The following ADAMTS6 variants were observed in gnomAD, a reference collection of about 807,000 sequenced individuals.
ADAMTS6 encodes the protein ADAM metallopeptidase with thrombospondin type 1 motif 6.
Under a neutral mutation model 144.3 loss-of-function variants are expected in ADAMTS6, and 23 were observed. The observed-to-expected ratio is 0.16, with a 90% confidence interval of 0.11 to 0.23. The LOEUF is 0.23. Among genes scored for constraint, ADAMTS6 ranks in the 10% least tolerant of loss-of-function variants. The pLI is 1.00. For synonymous variants in ADAMTS6, 444 were observed against 457.5 expected, an observed-to-expected ratio of 0.97 and a Z score of 0.38; for missense variants, 999 against 1,379.6, an observed-to-expected ratio of 0.72 and a Z score of 4.37.
At chr5:65,295,768 G>T (rs1449685132) in intron 10 of ADAMTS6, among the ~76,000 whole-genome samples, 4 of 151,976 alleles carry the variant, frequency 2.6e-5, no homozygotes, top group African/African-American at 9.7e-5. Flanking sequence ...ATTAGTTTTA[G>T]AATATACTTC....
intron 7 of ADAMTS6, among the ~76,000 whole-genome samples, chr5:65,440,677 T>G (rs1203216473): frequency 6.6e-6 from 1 of 151,922 alleles, no homozygotes; most frequent in African/African-American, 2.4e-5. Context: ...CCCAAAAGGA[T>G]TAGAGGTAAT....
chr5:65,241,565 T>C (rs1759187114), intron 15 of ADAMTS6, among the ~76,000 whole-genome samples: 1 of 152,144 alleles, frequency 6.6e-6, no homozygotes, highest in South Asian at 2.1e-4. Context: ...GTAATTTATA[T>C]TTTGGGAGTG....
chr5:65,408,902 G>A, intron 7 of ADAMTS6, among the ~76,000 whole-genome samples: 1 of 152,266 alleles, frequency 6.6e-6, no homozygotes, highest in Admixed American at 6.5e-5. Flanking sequence ...AATGACTACT[G>A]GGTACATAAC....
At chr5:65,319,474 G>T (rs1018577475) in intron 9 of ADAMTS6, among the ~76,000 whole-genome samples, 2 of 148,812 alleles carry the variant, frequency 1.3e-5, no homozygotes, top group Non-Finnish European at 3.0e-5. Flanking sequence ...AAGCTCAGGA[G>T]TTGGAGACCA....
At chr5:65,205,373 A>G (rs1399668337) in intron 20 of ADAMTS6, among the ~76,000 whole-genome samples, 1 of 152,000 alleles carries the variant, frequency 6.6e-6, no homozygotes, top group Non-Finnish European at 1.5e-5. Flanking sequence ...TAGAATTGAC[A>G]AAAAATTAAA....
At chr5:65,374,649 A>G (rs1310220333) in intron 7 of ADAMTS6, among the ~76,000 whole-genome samples, 1 of 152,226 alleles carries the variant, frequency 6.6e-6, no homozygotes, top group Non-Finnish European at 1.5e-5. Context: ...GCTCATGGGT[A>G]GGAAGAATCA....
chr5:65,424,006 A>T (rs1373984073), intron 7 of ADAMTS6, among the ~76,000 whole-genome samples: 3 of 152,174 alleles, frequency 2.0e-5, no homozygotes, highest in Non-Finnish European at 4.4e-5. Flanking sequence ...GGCAGCATTT[A>T]TAAGAACTAA....
At chr5:65,227,150 G>A (rs772580457) in intron 15 of ADAMTS6, among the ~76,000 whole-genome samples, 39 of 152,212 alleles carry the variant, frequency 2.6e-4, no homozygotes, top group Admixed American at 9.2e-4. Context: ...TAATTCTTAT[G>A]AAATTAGCCA....
chr5:65,401,936 C>T (rs989872674), intron 7 of ADAMTS6, among the ~76,000 whole-genome samples: 4 of 152,172 alleles, frequency 2.6e-5, no homozygotes, highest in Middle Eastern at 3.4e-3. Flanking sequence ...TACCACATGT[C>T]GTAACTCTCA....
At chr5:65,426,629 T>G (rs1405497250) in intron 7 of ADAMTS6, among the ~76,000 whole-genome samples, 1 of 152,110 alleles carries the variant, frequency 6.6e-6, no homozygotes, top group African/African-American at 2.4e-5. Context: ...AGTGGCAGAT[T>G]AATCACAGCT....
chr5:65,377,637 T>C (rs1003033799), intron 7 of ADAMTS6, among the ~76,000 whole-genome samples: 1 of 152,220 alleles, frequency 6.6e-6, no homozygotes, highest in Non-Finnish European at 1.5e-5. Flanking sequence ...GTGTTTTGTA[T>C]AGTTTTTTGC....
intron 7 of ADAMTS6, among the ~76,000 whole-genome samples, chr5:65,341,458 T>G (rs1747815731): frequency 6.6e-6 from 1 of 151,630 alleles, no homozygotes. Flanking sequence ...TTTGCTAGAC[T>G]AAGAAGAAAA....
rs186013750 is a variant in ADAMTS6, at chr5:65,477,319, A to T, written c.-279-3367T>A. Among the ~76,000 whole-genome samples, 200 of 152,304 alleles carry T rather than the reference A, an allele frequency of 1.3e-3. 1 individual carries two copies. The highest frequency in any genetic ancestry group is 4.5e-3 in the African/African-American group (189 of 41,568). Reference sequence around the variant, plus strand: ...CCTTTAAAAAACATATACTTAACACATTTGAGTTAATTTTCTAGCAATGGA... The same window carrying T: ...CCTTTAAAAAACATATACTTAACACTTTTGAGTTAATTTTCTAGCAATGGA... On this transcript the variant is annotated intron_variant, in intron 1 of 24. Coordinates refer to ENST00000381055, the MANE Select transcript of ADAMTS6 (RefSeq NM_197941.4).
chr5:65,261,856 A>G (rs1432095311), intron 13 of ADAMTS6, among the ~76,000 whole-genome samples: 1 of 152,186 alleles, frequency 6.6e-6, no homozygotes, highest in Non-Finnish European at 1.5e-5. Context: ...GAAAAAAGAC[A>G]GTTGGAGACA....
intron 7 of ADAMTS6, among the ~76,000 whole-genome samples, chr5:65,408,402 A>C (rs1754760510): frequency 6.6e-6 from 1 of 152,226 alleles, no homozygotes; most frequent in Non-Finnish European, 1.5e-5. Flanking sequence ...GAGACAAAGA[A>C]GGCCATCACA....
At chr5:65,183,510 A>T (rs1754482252) in intron 22 of ADAMTS6, among the ~76,000 whole-genome samples, 1 of 152,076 alleles carries the variant, frequency 6.6e-6, no homozygotes, top group African/African-American at 2.4e-5. Flanking sequence ...TATAGTATAT[A>T]TAAGGTTCAG....
At chr5:65,163,085 T>C (rs1579925417) in intron 24 of ADAMTS6, among the ~76,000 whole-genome samples, 1 of 152,158 alleles carries the variant, frequency 6.6e-6, no homozygotes, top group Admixed American at 6.5e-5. Flanking sequence ...AACTTTTTTA[T>C]TTTTTGTAGA....
At chr5:65,170,080 C>T (rs897005164) in intron 24 of ADAMTS6, among the ~76,000 whole-genome samples, 1 of 152,128 alleles carries the variant, frequency 6.6e-6, no homozygotes, top group Non-Finnish European at 1.5e-5. Context: ...AAGAGAAATT[C>T]CAGAGCACAA....
chr5:65,460,096 A>C, intron 4 of ADAMTS6, 74 bp downstream of exon 4: 1 of 1,509,682 alleles, frequency 6.6e-7, no homozygotes, highest in Non-Finnish European at 8.9e-7. Context: ...TGCTAACCTT[A>C]CTATACTTGC....
Sources: gnomAD v4.1 joint callset for allele counts (sites outside exome capture counted in the v4.1 genomes callset) on GRCh38, gnomAD v4.1.1 for gene constraint, MANE v1.5 for transcripts, NCBI Gene and HGNC (gene_info 2026-07-23, HGNC 2026-07-21) for gene names.